The following POLR1B variants were observed in gnomAD, a reference collection of about 807,000 sequenced individuals.
POLR1B encodes DNA-directed RNA polymerase I subunit RPA2.
In POLR1B, 30 loss-of-function variants were observed where a neutral mutation model predicts 105.8. The ratio of observed to expected loss-of-function variants is 0.28; its 90% confidence interval spans 0.21 to 0.38. The LOEUF (loss-of-function observed/expected upper bound fraction) is 0.38. POLR1B is among the 10% of genes least tolerant of loss of function. The pLI, the probability that POLR1B is intolerant of heterozygous loss-of-function variation, is 1.00. For synonymous variants in POLR1B, 485 were observed against 505.1 expected, an observed-to-expected ratio of 0.96 and a Z score of 0.53; for missense variants, 976 against 1,435.8, an observed-to-expected ratio of 0.68 and a Z score of 5.17.
rs756165812 is a variant in POLR1B at position 112,578,961 on chromosome 2, A to G, written c.*3232A>G. 6.6e-6 allele frequency among the ~76,000 whole-genome samples: 1 copy of G among 152,190 alleles called. No individual in the cohort carries two copies. The highest frequency in any genetic ancestry group is 1.9e-4 in the East Asian group (1 of 5,204). On this transcript the variant is annotated 3_prime_UTR_variant, in exon 15 of 15. Transcript: ENST00000263331. ...GGTGGTGCACACCTGTAATCCCAGGACTTTGGCAGGCTGAGGTGTGCAGAT... is the reference window on the plus strand; with the variant it reads ...GGTGGTGCACACCTGTAATCCCAGGGCTTTGGCAGGCTGAGGTGTGCAGAT...
intron 12 of POLR1B, 149 bp downstream of exon 12, chr2:112,569,051 A>G: frequency 1.3e-6 from 1 of 767,522 alleles, no homozygotes; most frequent in South Asian, 2.0e-5. Context: ...GCCACAAGCA[A>G]CCAGCCCAGG....
chr2:112,557,898 T>C lies in POLR1B; in HGVS notation c.1159-12T>C. ...CATACTATTTTATATTAATTTTTTT[T>C]CCTTATTTCAGGAAAAACTGGAAGG... is the stretch of plus-strand genomic sequence containing the variant. On this transcript the variant is annotated splice_polypyrimidine_tract_variant and intron_variant, in intron 7 of 14. Transcript: ENST00000263331. The C allele has an allele frequency of 2.4e-6, 3 of 1,242,150 alleles. No homozygotes were observed. Among genetic ancestry groups the C allele is most frequent in the Non-Finnish European group, 3.1e-6 (3 of 962,718 alleles). The allele number at this position is 1,242,150 out of a possible 1,614,324, so 76.9% of individuals were successfully genotyped here.
chr2:112,546,106 G>T (rs1022013739), intron 1 of POLR1B, among the ~76,000 whole-genome samples: 1 of 152,088 alleles, frequency 6.6e-6, no homozygotes, highest in African/African-American at 2.4e-5. Flanking sequence ...CTAAGTCTAG[G>T]AGGTTGCTTG....
At chr2:112,558,488 T>C (rs1038743178) in intron 8 of POLR1B, among the ~76,000 whole-genome samples, 16 of 152,018 alleles carry the variant, frequency 1.1e-4, no homozygotes, top group Admixed American at 5.2e-4. Flanking sequence ...CACTTGATCC[T>C]AGGAGGTCAA....
At chr2:112,557,551 A>T (rs996784394) in intron 7 of POLR1B, among the ~76,000 whole-genome samples, 1 of 152,236 alleles carries the variant, frequency 6.6e-6, no homozygotes, top group African/African-American at 2.4e-5. Flanking sequence ...GGGAATAAAT[A>T]TGAAGTTTGT....
chr2:112,555,215 T>C (rs1683596556), intron 7 of POLR1B, among the ~76,000 whole-genome samples: 1 of 151,104 alleles, frequency 6.6e-6, no homozygotes, highest in Non-Finnish European at 1.5e-5. Flanking sequence ...TGGTGGTACA[T>C]GACTGTGGTC....
At position 112,559,440 on chromosome 2, in the gene POLR1B, C is replaced by G; in HGVS notation, c.1478C>G (p.Ser493Cys). The change falls in exon 9 of 15, where the codon TCC (serine) becomes TGC (cysteine). Residue 493 changes from serine (S) to cysteine (C), a missense_variant. Transcript: ENST00000263331. ...ACAGTACGCAGGCTGCTGCCAGAGT[C>G]CTGGGGCTTCCTTTGTCCCGTGCAT... ...TTTVRRLLPESWGFLCPVHTP... is the reference protein window; with the variant it reads ...TTTVRRLLPECWGFLCPVHTP... 1 of 1,614,232 alleles carries G rather than the reference C, an allele frequency of 6.2e-7. No homozygotes were observed. Among genetic ancestry groups the G allele is most frequent in the Non-Finnish European group, 8.5e-7 (1 of 1,180,042 alleles).
rs1683254313 is a variant in POLR1B at position 112,549,559 on chromosome 2, A to G, written c.625+160A>G. On this transcript the variant is annotated intron_variant, in intron 4 of 14. Coordinates refer to ENST00000263331, the MANE Select transcript of POLR1B (RefSeq NM_019014.6). The stretch of plus-strand genomic sequence containing the variant: ...ACCACGTTGCCCAGGCTGATCTCGA[A>G]CTCTTGGGCTCAAGCAGTCCTTCTG... Among the ~76,000 whole-genome samples the G allele has an allele frequency of 2.0e-5, 3 of 146,784 alleles. 1 individual carries two copies. In the South Asian group the frequency reaches 6.5e-4, roughly 32 times the overall value.
intron 5 of POLR1B, among the ~76,000 whole-genome samples, chr2:112,551,391 A>G (rs1407654717): frequency 6.6e-6 from 1 of 152,178 alleles, no homozygotes; most frequent in Non-Finnish European, 1.5e-5. Flanking sequence ...GCTTGAGGCA[A>G]CTGTCTTCCT....
Position 112,578,753 on chromosome 2 carries a change from C to A in POLR1B, c.*3024C>A, listed in dbSNP as rs953544837. Among the ~76,000 whole-genome samples, 1 of 151,980 alleles carries A rather than the reference C, an allele frequency of 6.6e-6. No homozygotes were observed. Among genetic ancestry groups the A allele is most frequent in the Non-Finnish European group, 1.5e-5 (1 of 68,008 alleles). On this transcript the variant is annotated 3_prime_UTR_variant, in exon 15 of 15. Transcript: ENST00000263331. ...CATATGTGCTATATGTACTATATGTCCTCTATATATTTTTTCTATACATAC... is the reference window on the plus strand; with the variant it reads ...CATATGTGCTATATGTACTATATGTACTCTATATATTTTTTCTATACATAC...
intron 13 of POLR1B, 92 bp downstream of exon 13, chr2:112,572,850 C>G (rs1473929929): frequency 8.7e-7 from 1 of 1,142,866 alleles, no homozygotes; most frequent in African/African-American, 1.6e-5. Context: ...TTTGTGTACC[C>G]AAGTACCTAG....
intron 3 of POLR1B, among the ~76,000 whole-genome samples, chr2:112,548,898 C>T (rs1025527391): frequency 1.3e-5 from 2 of 152,166 alleles, no homozygotes; most frequent in Non-Finnish European, 2.9e-5. Flanking sequence ...AGGCGTGAGC[C>T]ACCGCGCCCG....
At chr2:112,564,631 T>A in intron 10 of POLR1B, 132 bp downstream of exon 10, 1 of 1,220,414 alleles carries the variant, frequency 8.2e-7, no homozygotes, top group Non-Finnish European at 1.2e-6. Flanking sequence ...CCAGAATGCC[T>A]GTGCATTCCC....
intron 9 of POLR1B, among the ~76,000 whole-genome samples, chr2:112,563,685 C>T (rs1167012268): frequency 6.6e-6 from 1 of 151,994 alleles, no homozygotes; most frequent in Non-Finnish European, 1.5e-5. Flanking sequence ...ATTGCTTGAG[C>T]CCAGGAGTTC....
chr2:112,553,172 A>G (rs374883350), intron 7 of POLR1B, among the ~76,000 whole-genome samples: 1 of 152,204 alleles, frequency 6.6e-6, no homozygotes, highest in Non-Finnish European at 1.5e-5. Context: ...GTCAGTGCTC[A>G]GTGCTTTCAT....
At chr2:112,565,043 TA>T (rs1345978744) in intron 10 of POLR1B, among the ~76,000 whole-genome samples, 2 of 152,244 alleles carry the variant, frequency 1.3e-5, no homozygotes, top group African/African-American at 4.8e-5. Flanking sequence ...TTTTTATTTT[TA>T]AAAAATGTTT....
intron 1 of POLR1B, among the ~76,000 whole-genome samples, chr2:112,545,646 GT>G (rs34661360): frequency 2.0e-5 from 3 of 147,986 alleles, no homozygotes; most frequent in East Asian, 2.0e-4. Context: ...ACTTCATTCT[GT>G]TTTTTTTTTT....
Position 112,576,471 on chromosome 2 carries a change from C to G in POLR1B, c.*742C>G, listed in dbSNP as rs1461981267. The G allele has an allele frequency of 2.6e-5, 4 of 152,202 alleles. No homozygotes were observed. The highest frequency in any genetic ancestry group is 4.4e-5 in the Non-Finnish European group (3 of 68,048). 9.4% of individuals were successfully genotyped at this position (152,202 alleles called of 1,614,324 possible). A position where few individuals can be genotyped will look rare whatever the true frequency, so the allele number is the denominator to read the frequency against. On this transcript the variant is annotated 3_prime_UTR_variant, in exon 15 of 15. Transcript: ENST00000263331. Reference sequence around the variant, plus strand: ...TTGTACAACAGATCTTTAGACCTTACTTGTCTTGCATAACTGAAGCTTTAT... The same window carrying G: ...TTGTACAACAGATCTTTAGACCTTAGTTGTCTTGCATAACTGAAGCTTTAT...
chr2:112,575,242 A>G lies in POLR1B; in HGVS notation c.2921A>G (p.Tyr974Cys), dbSNP rs373629370. 1.9e-5 allele frequency: 30 copies of G among 1,614,042 alleles called. No homozygotes were observed. The highest frequency in any genetic ancestry group is 2.3e-5 in the Non-Finnish European group (27 of 1,180,032). ...EMLKAAGYNF[Y>C]GTERLYSGIS... is the part of the protein sequence containing the mutation. ...TTAAAGGCTGCTGGCTACAATTTCT[A>G]TGGCACCGAGAGGTTATATAGTGGC... Residue 974 changes from tyrosine to cysteine, a missense_variant, in exon 15 of 15, where the codon TAT becomes TGT. Transcript: ENST00000263331. The surrounding 1 kb of genome is among the most constrained non-coding windows in gnomAD (Gnocchi z 5.3).
Sources: gnomAD v4.1 joint callset for allele counts (sites outside exome capture counted in the v4.1 genomes callset) on GRCh38, gnomAD v4.1.1 for gene constraint, Gnocchi (gnomAD v3.1) non-coding constraint, MANE v1.5 for transcripts, NCBI Gene and HGNC (gene_info 2026-07-23, HGNC 2026-07-21) for gene names.